Variants in CERKL observed in about 807,000 individuals in gnomAD.
CERKL encodes the protein CERK like autophagy regulator.
CERKL carries 61 observed loss-of-function variants against 63.4 expected under a neutral mutation model. That is an observed-to-expected ratio of 0.96 (90% CI 0.78 to 1.19). The LOEUF is 1.19. CERKL is among the 50% of genes most tolerant of loss of function. CERKL has a pLI of 0.00. For synonymous variants in CERKL, 250 were observed against 230.5 expected, an observed-to-expected ratio of 1.08 and a Z score of -0.77; for missense variants, 675 against 655.5, an observed-to-expected ratio of 1.03 and a Z score of -0.33.
At position 181,537,369 on chromosome 2, in the gene CERKL, C is replaced by CAATT. The variant is rs1351134376; in HGVS notation, c.*811_*814dup. The CAATT allele has an allele frequency of 2.2e-5, 10 of 453,664 alleles. No homozygotes were observed. Among genetic ancestry groups the CAATT allele is most frequent in the Admixed American group, 9.4e-5 (4 of 42,526 alleles). 28.1% of individuals were successfully genotyped at this position (453,664 alleles called of 1,614,324 possible). On this transcript the variant is annotated 3_prime_UTR_variant, in exon 13 of 13. Coordinates refer to ENST00000410087, the MANE Select transcript of CERKL (RefSeq NM_201548.5). ...AGGCCTCTCAGATACAAGGGGAACA[C>CAATT]AATTACATATTGGGCTAGATTTTGC...
At chr2:181,543,898 C>T (rs1355897483) in intron 11 of CERKL, among the ~76,000 whole-genome samples, 1 of 149,264 alleles carries the variant, frequency 6.7e-6, no homozygotes, top group East Asian at 2.0e-4. Flanking sequence ...GCAGGAGAAT[C>T]GCTTGAACGT....
chr2:181,609,332 G>A, intron 1 of CERKL, among the ~76,000 whole-genome samples: 1 of 142,716 alleles, frequency 7.0e-6, no homozygotes, highest in Admixed American at 7.6e-5. Context: ...GTAAGGAATG[G>A]ACAAGGAATC....
At chr2:181,585,633 T>C (rs888944893) in intron 2 of CERKL, among the ~76,000 whole-genome samples, 17 of 152,120 alleles carry the variant, frequency 1.1e-4, no homozygotes, top group Non-Finnish European at 5.9e-5. Flanking sequence ...AAAAAAGCAA[T>C]TCAGTCTCTA....
chr2:181,617,066 T>C (rs1686228018), intron 1 of CERKL, among the ~76,000 whole-genome samples: 1 of 152,210 alleles, frequency 6.6e-6, no homozygotes. Flanking sequence ...AGTGTCAGTA[T>C]GAATCAAGGT....
chr2:181,557,559 G>C lies in CERKL; in HGVS notation c.820+1007C>G, dbSNP rs186772040. On this transcript the variant is annotated intron_variant, in intron 5 of 12. Transcript: ENST00000410087. ...GTTTCCCTCTTTTCTGGATCACAGTGTTGCTCTAACGGTTCTCCGTGTCTC... is the reference window on the plus strand; with the variant it reads ...GTTTCCCTCTTTTCTGGATCACAGTCTTGCTCTAACGGTTCTCCGTGTCTC... 3.3e-5 allele frequency among the ~76,000 whole-genome samples: 5 copies of C among 152,196 alleles called. No individual in the cohort carries two copies. In the East Asian group the frequency reaches 9.7e-4, roughly 29 times the overall value.
chr2:181,537,197 C>A lies in CERKL; in HGVS notation c.*987G>T. On this transcript the variant is annotated 3_prime_UTR_variant, in exon 13 of 13. Coordinates refer to ENST00000410087, the MANE Select transcript of CERKL (RefSeq NM_201548.5). ...ACATCTAGGATCATAGATGAAAAAT[C>A]AAGCCCCGATTTAGAACTGTCTTCT... 2.2e-6 allele frequency: 1 copy of A among 453,136 alleles called. No individual in the cohort carries two copies. Among genetic ancestry groups the A allele is most frequent in the Non-Finnish European group, 4.4e-6 (1 of 226,072 alleles). The allele number at this position is 453,136 out of a possible 1,614,324, so 28.1% of individuals were successfully genotyped here. A position where few individuals can be genotyped will look rare whatever the true frequency, so the allele number is the denominator to read the frequency against.
chr2:181,620,910 T>C (rs1409819242), intron 1 of CERKL, among the ~76,000 whole-genome samples: 2 of 152,212 alleles, frequency 1.3e-5, no homozygotes, highest in East Asian at 3.8e-4. Flanking sequence ...ATGATGAGTA[T>C]TTTTAGGCCC....
intron 3 of CERKL, among the ~76,000 whole-genome samples, chr2:181,567,341 A>C (rs1688710062): frequency 2.0e-5 from 3 of 152,170 alleles, no homozygotes; most frequent in Non-Finnish European, 4.4e-5. Context: ...AAAAATAAGA[A>C]TATCATGAAA....
chr2:181,609,044 T>C (rs1249000855), intron 1 of CERKL, among the ~76,000 whole-genome samples: 1 of 152,190 alleles, frequency 6.6e-6, no homozygotes, highest in Non-Finnish European at 1.5e-5. Context: ...AGACAAAGGA[T>C]TGAATAAGTG....
intron 1 of CERKL, among the ~76,000 whole-genome samples, chr2:181,618,140 T>C (rs954348769): frequency 6.6e-6 from 1 of 152,154 alleles, no homozygotes; most frequent in African/African-American, 2.4e-5. Flanking sequence ...GGGTGGGTGT[T>C]GAAAAATTAT....
At chr2:181,573,370 G>C (rs2105845737) in intron 3 of CERKL, among the ~76,000 whole-genome samples, 1 of 152,150 alleles carries the variant, frequency 6.6e-6, no homozygotes, top group African/African-American at 2.4e-5. Flanking sequence ...AACAACCCAA[G>C]GAAGAATTCC....
chr2:181,614,866 T>C (rs868273575), intron 1 of CERKL, among the ~76,000 whole-genome samples: 1 of 152,202 alleles, frequency 6.6e-6, no homozygotes, highest in Non-Finnish European at 1.5e-5. Context: ...TGAAACTCTA[T>C]TCATAAATTG....
rs1049818335 is a variant in CERKL at position 181,625,182 on chromosome 2, T to C, written c.239-21103A>G. Among the ~76,000 whole-genome samples the C allele has an allele frequency of 3.6e-4, 55 of 152,112 alleles. 1 individual carries two copies. Among genetic ancestry groups the C allele is most frequent in the African/African-American group, 1.3e-3 (54 of 41,430 alleles). ...ATCCAAGAAGGTAGGTGAAGAAAGCTGTATCAAGGAGCATAGTGTGACTAC... is the reference window on the plus strand; with the variant it reads ...ATCCAAGAAGGTAGGTGAAGAAAGCCGTATCAAGGAGCATAGTGTGACTAC... On this transcript the variant is annotated intron_variant, in intron 1 of 12. Transcript: ENST00000410087.
At chr2:181,559,022 C>T (rs1234464391) in intron 4 of CERKL, among the ~76,000 whole-genome samples, 1 of 152,144 alleles carries the variant, frequency 6.6e-6, no homozygotes, top group Non-Finnish European at 1.5e-5. Flanking sequence ...CATCCAAAAG[C>T]ATATCATTCT....
intron 1 of CERKL, among the ~76,000 whole-genome samples, chr2:181,629,702 T>A (rs1686867413): frequency 6.6e-6 from 1 of 152,112 alleles, no homozygotes. Context: ...TTCATGACAT[T>A]GTTAGTGATA....
At chr2:181,610,284 A>C (rs912185511) in intron 1 of CERKL, among the ~76,000 whole-genome samples, 1 of 152,260 alleles carries the variant, frequency 6.6e-6, no homozygotes, top group Non-Finnish European at 1.5e-5. Context: ...AATGCAAATT[A>C]AAACAACAAG....
At chr2:181,539,445 C>T (rs986755394) in intron 11 of CERKL, among the ~76,000 whole-genome samples, 181 bp from the exon 12 acceptor site, 11 of 152,006 alleles carry the variant, frequency 7.2e-5, no homozygotes, top group Non-Finnish European at 2.9e-5. Context: ...TTATCCAAAG[C>T]CTTTTGGGTT....
chr2:181,640,921 C>A (rs1687392458), intron 1 of CERKL, among the ~76,000 whole-genome samples: 1 of 152,108 alleles, frequency 6.6e-6, no homozygotes, highest in Non-Finnish European at 1.5e-5. Context: ...CCCAGAGGGC[C>A]CCATCCGGGA....
intron 11 of CERKL, among the ~76,000 whole-genome samples, chr2:181,543,001 C>A (rs1421026114): frequency 6.6e-6 from 1 of 152,192 alleles, no homozygotes; most frequent in Non-Finnish European, 1.5e-5. Context: ...GTGCAACATA[C>A]ACCTCCCCAA....
Sources: allele counts gnomAD v4.1 joint callset (sites outside exome capture counted in the v4.1 genomes callset), GRCh38; gene constraint gnomAD v4.1.1; transcripts MANE v1.5; gene names NCBI Gene and HGNC (gene_info 2026-07-23, HGNC 2026-07-21).